Variants in INTS15 observed in about 807,000 individuals in gnomAD.
The protein encoded by INTS15 is integrator complex subunit 15.
At chr7:6,594,350 TG>T in the INTS15 span, 1 of 1,385,902 alleles carries the variant, frequency 7.2e-7, no homozygotes, top group South Asian at 1.2e-5. Flanking sequence ...CTGCCATTTC[TG>T]GAGGTGGTCA....
chr7:6,592,515 C>G, the INTS15 span, among the ~76,000 whole-genome samples: 4 of 147,722 alleles, frequency 2.7e-5, no homozygotes, highest in African/African-American at 1.0e-4. Flanking sequence ...TGCCGTGAGC[C>G]GAGATTGTGT....
the INTS15 span, chr7:6,594,417 T>C: frequency 6.2e-6 from 10 of 1,613,808 alleles, no homozygotes; most frequent in Non-Finnish European, 8.5e-6. Context: ...TTAAGTGGAC[T>C]GTGTGGCTTC....
At chr7:6,608,103 C>T in the INTS15 span, 1 of 1,568,324 alleles carries the variant, frequency 6.4e-7, no homozygotes. Flanking sequence ...GCCCTGCCCA[C>T]GCATCCCGGC....
chr7:6,594,412 T>C, the INTS15 span: 8 of 1,613,628 alleles, frequency 5.0e-6, no homozygotes, highest in Non-Finnish European at 6.8e-6. Flanking sequence ...TGTAGTTAAG[T>C]GGACTGTGTG....
chr7:6,603,998 T>TAA, the INTS15 span, among the ~76,000 whole-genome samples: 1 of 147,014 alleles, frequency 6.8e-6, no homozygotes, highest in African/African-American at 2.5e-5. Flanking sequence ...CCCTGTCTCT[T>TAA]AAAAAAAAAA....
chr7:6,594,974 C>T, the INTS15 span, among the ~76,000 whole-genome samples: 4 of 152,066 alleles, frequency 2.6e-5, no homozygotes, highest in Non-Finnish European at 4.4e-5. Flanking sequence ...GTGATCCACC[C>T]GCCTCGGCCT....
chr7:6,607,801 C>G, the INTS15 span: 1 of 1,487,522 alleles, frequency 6.7e-7, no homozygotes, highest in Non-Finnish European at 8.9e-7. The surrounding 1 kb of genome is among the most constrained non-coding windows in gnomAD (Gnocchi z 6.0). Context: ...CCTGGCTCTG[C>G]CACTGCTTCT....
chr7:6,604,419 T>G, the INTS15 span, among the ~76,000 whole-genome samples: 1 of 152,094 alleles, frequency 6.6e-6, no homozygotes, highest in Non-Finnish European at 1.5e-5. Flanking sequence ...GAAATGTTGA[T>G]AGTGGAAAGC....
chr7:6,598,037 C>T, the INTS15 span, among the ~76,000 whole-genome samples: 1 of 152,220 alleles, frequency 6.6e-6, no homozygotes, highest in Non-Finnish European at 1.5e-5. Flanking sequence ...GAGGGCACAC[C>T]TGCACAAGTG....
the INTS15 span, among the ~76,000 whole-genome samples, chr7:6,598,763 G>A: frequency 0.018 from 1,972 of 110,806 alleles, 54 homozygotes; most frequent in African/African-American, 0.088. Flanking sequence ...GTGTGTGTGT[G>A]TGTGTGTGTG....
the INTS15 span, chr7:6,591,643 C>A: frequency 6.2e-7 from 1 of 1,613,082 alleles, no homozygotes; most frequent in Non-Finnish European, 8.5e-7. Flanking sequence ...ATTTCTTTTG[C>A]AGAGACTGAA....
At chr7:6,602,165 T>C in the INTS15 span, 40 of 1,605,026 alleles carry the variant, frequency 2.5e-5, no homozygotes, top group South Asian at 1.7e-4. Flanking sequence ...GACTCCTAGC[T>C]GGGCCAGCTT....
At chr7:6,594,680 AGTGTC>A in the INTS15 span, 10 of 1,350,034 alleles carry the variant, frequency 7.4e-6, no homozygotes, top group Non-Finnish European at 1.0e-5. Flanking sequence ...ACCCAGGTGA[AGTGTC>A]CAGTGAATGC....
the INTS15 span, chr7:6,607,906 A>C: frequency 6.3e-7 from 1 of 1,590,474 alleles, no homozygotes; most frequent in Admixed American, 1.7e-5. The surrounding 1 kb of genome is among the most constrained non-coding windows in gnomAD (Gnocchi z 6.0). Context: ...TACCGTGCGC[A>C]CCTGCGGAGT....
At chr7:6,602,613 C>T in the INTS15 span, 1 of 460,736 alleles carries the variant, frequency 2.2e-6, no homozygotes, top group South Asian at 1.6e-5. Flanking sequence ...GTCTCTATGC[C>T]TCAGCTTACC....
the INTS15 span, among the ~76,000 whole-genome samples, chr7:6,596,309 C>A: frequency 5.3e-5 from 8 of 151,676 alleles, no homozygotes; most frequent in African/African-American, 1.7e-4. Flanking sequence ...CCATCTCGGC[C>A]TCCCAAAGTG....
the INTS15 span, chr7:6,591,816 G>A: frequency 2.2e-4 from 350 of 1,614,058 alleles, 3 homozygotes; most frequent in South Asian, 2.6e-3. Context: ...TCTCCATGGC[G>A]GTGGCTGTGT....
chr7:6,591,307 A>C, the INTS15 span, among the ~76,000 whole-genome samples: 1 of 140,588 alleles, frequency 7.1e-6, no homozygotes, highest in East Asian at 2.1e-4. Context: ...TCACTCTGTC[A>C]CCAGGCTGGA....
chr7:6,598,186 G>A, the INTS15 span, among the ~76,000 whole-genome samples: 1 of 152,094 alleles, frequency 6.6e-6, no homozygotes. Context: ...GGCTGCACAC[G>A]TGGCCGGGAC....
Sources: gnomAD v4.1 joint callset for allele counts (sites outside exome capture counted in the v4.1 genomes callset) on GRCh38, gnomAD v4.1.1 for gene constraint, Gnocchi (gnomAD v3.1) non-coding constraint, MANE v1.5 for transcripts, NCBI Gene and HGNC (gene_info 2026-07-23, HGNC 2026-07-21) for gene names.